TULP4: variants seen among roughly 807,000 people sequenced by gnomAD.
TULP4 encodes the protein TUB like protein 4, also known as tubby-related protein 4.
In TULP4, 16 loss-of-function variants were observed where a neutral mutation model predicts 129.0. The ratio of observed to expected loss-of-function variants is 0.12; its 90% confidence interval spans 0.08 to 0.19. The LOEUF (loss-of-function observed/expected upper bound fraction) is 0.19, where lower values mean the gene tolerates loss of function less well. TULP4 is among the 10% of genes least tolerant of loss of function. TULP4 has a pLI of 1.00. For missense variants in TULP4, 1,842 were observed against 2,059.1 expected, an observed-to-expected ratio of 0.89 and a Z score of 2.04; for synonymous variants, 998 against 854.0, an observed-to-expected ratio of 1.17 and a Z score of -2.94.
At chr6:158,275,637 G>A (rs1268830701) in intron 1 of TULP4, among the ~76,000 whole-genome samples, 1 of 152,136 alleles carries the variant, frequency 6.6e-6, no homozygotes, top group Non-Finnish European at 1.5e-5. Flanking sequence ...TACACTAATG[G>A]CAAGTTCTTT....
At position 158,501,996 on chromosome 6, in the gene TULP4, C is replaced by G. The variant is rs146775344; in HGVS notation, c.2333C>G (p.Pro778Arg). Residue 778 changes from proline (P) to arginine (R), a missense_variant, in exon 13 of 14, where the codon CCG becomes CGG. Transcript: ENST00000367097. ...CCCCCTCCACTGTCCCTGCCTCCCCCGCCGCAGGGGCCCATGCAGCTGTCC... is the reference window on the plus strand; with the variant it reads ...CCCCCTCCACTGTCCCTGCCTCCCCGGCCGCAGGGGCCCATGCAGCTGTCC... ...QNPPPLSLPP[P>R]PQGPMQLSTV... The G allele has an allele frequency of 1.2e-6, 2 of 1,613,854 alleles. No homozygotes were observed. Among genetic ancestry groups the G allele is most frequent in the East Asian group, 4.5e-5 (2 of 44,870 alleles).
chr6:158,257,710 C>T (rs1778275011), intron 1 of TULP4, among the ~76,000 whole-genome samples: 1 of 152,234 alleles, frequency 6.6e-6, no homozygotes, highest in Non-Finnish European at 1.5e-5. Context: ...GCTGCCCTTG[C>T]AGCTGGGGAA....
intron 1 of TULP4, among the ~76,000 whole-genome samples, chr6:158,272,374 T>C (rs1778567805): frequency 6.6e-6 from 1 of 152,314 alleles, no homozygotes; most frequent in East Asian, 1.9e-4. Flanking sequence ...ATGGTATTAA[T>C]AGCTCGTATT....
intron 5 of TULP4, among the ~76,000 whole-genome samples, chr6:158,454,514 C>CA (rs35267182): frequency 0.42 from 63,073 of 151,544 alleles, 14,360 homozygotes; most frequent in African/African-American, 0.62. Context: ...TTATTCTTTA[C>CA]GGGGGAATTT....
intron 1 of TULP4, among the ~76,000 whole-genome samples, chr6:158,382,358 G>A (rs7746407): frequency 6.6e-6 from 1 of 152,260 alleles, no homozygotes; most frequent in South Asian, 2.1e-4. Context: ...ACCCTGTGAC[G>A]TTAGGAAGAC....
chr6:158,321,342 A>G (rs1358776853), intron 1 of TULP4, among the ~76,000 whole-genome samples: 1 of 151,946 alleles, frequency 6.6e-6, no homozygotes, highest in Admixed American at 6.6e-5. Flanking sequence ...GGCACCAGGC[A>G]TGCATATTTT....
intron 4 of TULP4, among the ~76,000 whole-genome samples, chr6:158,451,840 C>T (rs1779166873): frequency 6.6e-6 from 1 of 152,222 alleles, no homozygotes; most frequent in Non-Finnish European, 1.5e-5. Context: ...CCGTGTAACA[C>T]ATTAACATCA....
intron 3 of TULP4, among the ~76,000 whole-genome samples, chr6:158,443,793 G>A (rs1041053014): frequency 6.6e-6 from 1 of 151,914 alleles, no homozygotes; most frequent in African/African-American, 2.4e-5. Flanking sequence ...GAAATATTCT[G>A]TTAATCAATT....
At position 158,506,567 on chromosome 6, in the gene TULP4, CCCT is replaced by C; in HGVS notation, c.4516-5_4516-3del. On this transcript the variant is annotated splice_polypyrimidine_tract_variant and splice_region_variant and intron_variant, in intron 13 of 13. Transcript: ENST00000367097. Reference sequence around the variant, plus strand: ...TTCTTTAATGTCTTTGCTTCCCCTGCCCTCCTCCAGGTGATGCAGTTTGGACGG... The same window carrying C: ...TTCTTTAATGTCTTTGCTTCCCCTGCCCTCCAGGTGATGCAGTTTGGACGG... The C allele has an allele frequency of 6.4e-7, 1 of 1,552,666 alleles. No homozygotes were observed. The highest frequency in any genetic ancestry group is 1.1e-5 in the South Asian group (1 of 89,746).
intron 6 of TULP4, among the ~76,000 whole-genome samples, chr6:158,471,738 G>T (rs554575667): frequency 1.3e-5 from 2 of 152,314 alleles, no homozygotes; most frequent in East Asian, 3.9e-4. Flanking sequence ...CCTTGATTCT[G>T]TTTGTGTCCC....
chr6:158,462,747 CTTTTTTTTT>C (rs56829575), intron 6 of TULP4, among the ~76,000 whole-genome samples: 2 of 127,872 alleles, frequency 1.6e-5, no homozygotes, highest in South Asian at 4.9e-4. Flanking sequence ...TTTTTTTTTC[CTTTTTTTTT>C]TTTTTTTTTT....
At chr6:158,351,224 TGTTAGG>T (rs1280238989) in intron 1 of TULP4, among the ~76,000 whole-genome samples, 16 of 152,202 alleles carry the variant, frequency 1.1e-4, no homozygotes, top group Non-Finnish European at 2.4e-4. Flanking sequence ...ACTAGAGTGA[TGTTAGG>T]TATGAATGCT....
At chr6:158,445,112 C>T (rs1349617764) in intron 3 of TULP4, among the ~76,000 whole-genome samples, 2 of 152,166 alleles carry the variant, frequency 1.3e-5, no homozygotes, top group African/African-American at 4.8e-5. Context: ...TGGTGCCTGG[C>T]CGTGTTGCTA....
At chr6:158,271,606 T>A (rs1400795503) in intron 1 of TULP4, among the ~76,000 whole-genome samples, 1 of 151,910 alleles carries the variant, frequency 6.6e-6, no homozygotes, top group Non-Finnish European at 1.5e-5. Flanking sequence ...ATTTTTAAAT[T>A]TTTTGTAGAG....
chr6:158,242,209 C>T (rs1233926701), intron 1 of TULP4: 3 of 1,457,214 alleles, frequency 2.1e-6, no homozygotes, highest in Non-Finnish European at 2.9e-6. Flanking sequence ...TGAATGGTGG[C>T]AAAGACCTTC....
chr6:158,327,876 T>G (rs749312738), intron 1 of TULP4, among the ~76,000 whole-genome samples: 1 of 152,148 alleles, frequency 6.6e-6, no homozygotes, highest in Non-Finnish European at 1.5e-5. Context: ...TTTGGCATCT[T>G]TTGTGTGTGT....
At chr6:158,280,253 T>C (rs1429957462), upstream of TULP4, among the ~76,000 whole-genome samples, 1 of 152,328 alleles carries the variant, frequency 6.6e-6, no homozygotes, top group Admixed American at 6.5e-5. Context: ...AATGAATAAT[T>C]GAAGCCATGC....
chr6:158,278,746 CT>C (rs2128465298), upstream of TULP4, among the ~76,000 whole-genome samples: 1 of 152,138 alleles, frequency 6.6e-6, no homozygotes, highest in African/African-American at 2.4e-5. Context: ...TATTTTTCCC[CT>C]TTAAGCATCT....
intron 1 of TULP4, among the ~76,000 whole-genome samples, chr6:158,246,351 G>T (rs1778031663): frequency 6.6e-6 from 1 of 152,038 alleles, no homozygotes; most frequent in Non-Finnish European, 1.5e-5. Flanking sequence ...GATTAGCCGG[G>T]CGTGGTGGCA....
Sources: allele counts gnomAD v4.1 joint callset (sites outside exome capture counted in the v4.1 genomes callset), GRCh38; gene constraint gnomAD v4.1.1; transcripts MANE v1.5; gene names NCBI Gene and HGNC (gene_info 2026-07-23, HGNC 2026-07-21).